The following ADGRL2 variants were observed in gnomAD, a reference collection of about 807,000 sequenced individuals.
The protein encoded by ADGRL2 is calcium-independent alpha-latrotoxin receptor 2.
A neutral mutation model predicts 157.4 loss-of-function variants in ADGRL2; 44 were observed. The ratio of observed to expected loss-of-function variants is 0.28; its 90% CI spans 0.22 to 0.36. ADGRL2 has a LOEUF of 0.36. ADGRL2 is among the 10% of genes least tolerant of loss of function. ADGRL2 has a pLI of 1.00. For synonymous variants in ADGRL2, 585 were observed against 624.7 expected (o/e 0.94, Z 0.95); for missense variants, 1,510 against 1,768.9 (o/e 0.85, Z 2.63).
At chr1:81,724,043 T>C (rs2084426951) in intron 1 of ADGRL2, among the ~76,000 whole-genome samples, 1 of 152,164 alleles carries the variant, frequency 6.6e-6, no homozygotes, top group East Asian at 1.9e-4. Context: ...TTTCTTGGGC[T>C]AAAGACAGGC....
intron 3 of ADGRL2, among the ~76,000 whole-genome samples, chr1:81,691,880 G>GTATGTGTATATA (rs2083343927): frequency 8.3e-6 from 1 of 119,880 alleles, no homozygotes; most frequent in Non-Finnish European, 1.8e-5. Flanking sequence ...GTGTGTGTGT[G>GTATGTGTATATA]TATATATATA....
At chr1:81,370,661 A>C (rs1167900276) in intron 1 of ADGRL2, among the ~76,000 whole-genome samples, 3 of 152,180 alleles carry the variant, frequency 2.0e-5, no homozygotes, top group Non-Finnish European at 4.4e-5. Context: ...GTTATAACTT[A>C]TATTGCCATC....
At chr1:81,412,580 G>T (rs191731311) in intron 1 of ADGRL2, among the ~76,000 whole-genome samples, 4 of 152,134 alleles carry the variant, frequency 2.6e-5, no homozygotes, top group African/African-American at 4.8e-5. Flanking sequence ...CTCTAAGCTC[G>T]CTGGGGGAAG....
At chr1:81,950,577 A>C in intron 7 of ADGRL2, 95 bp downstream of exon 7, 1 of 1,141,196 alleles carries the variant, frequency 8.8e-7, no homozygotes, top group Non-Finnish European at 1.2e-6. Context: ...AGCGATGTTT[A>C]CAGTAGCTAA....
At chr1:81,790,609 T>C (rs2087288770) in intron 2 of ADGRL2, among the ~76,000 whole-genome samples, 1 of 152,216 alleles carries the variant, frequency 6.6e-6, no homozygotes, top group Non-Finnish European at 1.5e-5. Flanking sequence ...CTGCAGAATA[T>C]GGACAATATA....
chr1:81,422,588 G>A (rs1272674416), intron 1 of ADGRL2, among the ~76,000 whole-genome samples: 1 of 152,176 alleles, frequency 6.6e-6, no homozygotes, highest in Non-Finnish European at 1.5e-5. Context: ...CCTATATACA[G>A]TATAACATTA....
At chr1:81,534,555 C>T (rs925296466) in intron 2 of ADGRL2, among the ~76,000 whole-genome samples, 2 of 152,236 alleles carry the variant, frequency 1.3e-5, no homozygotes, top group African/African-American at 4.8e-5. Flanking sequence ...ATATGAGCTA[C>T]ACAATAACTT....
intron 3 of ADGRL2, among the ~76,000 whole-genome samples, chr1:81,643,706 CTA>C (rs761840648): frequency 6.6e-6 from 1 of 152,078 alleles, no homozygotes; most frequent in African/African-American, 2.4e-5. Flanking sequence ...TGTACAAGAT[CTA>C]TATGAGGACA....
intron 1 of ADGRL2, among the ~76,000 whole-genome samples, chr1:81,412,780 A>G (rs539702340): frequency 6.6e-6 from 1 of 152,352 alleles, no homozygotes; most frequent in South Asian, 2.1e-4. Context: ...GGATGGAAAT[A>G]TAAAAGAATA....
intron 1 of ADGRL2, among the ~76,000 whole-genome samples, chr1:81,758,489 T>C (rs1487764362): frequency 6.6e-6 from 1 of 152,200 alleles, no homozygotes; most frequent in African/African-American, 2.4e-5. Context: ...TCTCATTTAG[T>C]CTGTTTCTCC....
chr1:81,520,022 G>C (rs1306426636), intron 2 of ADGRL2, among the ~76,000 whole-genome samples: 7 of 151,904 alleles, frequency 4.6e-5, no homozygotes, highest in African/African-American at 1.7e-4. Flanking sequence ...CTTTTTTCCT[G>C]CTCCCTTTTT....
chr1:81,455,444 GA>G (rs2077784247), intron 2 of ADGRL2, among the ~76,000 whole-genome samples: 1 of 152,122 alleles, frequency 6.6e-6, no homozygotes, highest in Non-Finnish European at 1.5e-5. Flanking sequence ...TGTCAACCGT[GA>G]AAATTTTCCT....
At chr1:81,491,436 C>G (rs897025487) in intron 2 of ADGRL2, among the ~76,000 whole-genome samples, 1 of 145,806 alleles carries the variant, frequency 6.9e-6, no homozygotes, top group South Asian at 2.1e-4. Context: ...TATATATACT[C>G]TGCTTCAAAA....
rs184896619 is a variant in ADGRL2, at chr1:81,319,087, A to G, written c.-302+12578A>G. Among the ~76,000 whole-genome samples the G allele has an allele frequency of 2.5e-3, 371 of 150,974 alleles. 2 individuals are homozygous for G. The highest frequency in any genetic ancestry group is 8.5e-3 in the African/African-American group (351 of 41,192). ...CTCCCGAGTAGCTGGGATTACAGGCATGCACCACCACCCCGGCTAATTTTG... is the reference window on the plus strand; with the variant it reads ...CTCCCGAGTAGCTGGGATTACAGGCGTGCACCACCACCCCGGCTAATTTTG... On this transcript the variant is annotated intron_variant, in intron 1 of 24. Coordinates refer to the ADGRL2 transcript ENST00000370721.
Position 81,756,746 on chromosome 1 carries a change from C to T in ADGRL2, c.-142-5065C>T, listed in dbSNP as rs148848652. 6.6e-4 allele frequency among the ~76,000 whole-genome samples: 100 copies of T among 152,220 alleles called. No individual in the cohort carries two copies. The Middle Eastern group carries it at 0.014, about 21-fold the overall frequency. On this transcript the variant is annotated intron_variant, in intron 1 of 20. Transcript: ENST00000359929. ...TTATAGGCCAGCAATATGTCTTTCT[C>T]CATTCATTCAACAAATAACAGAATT...
chr1:81,637,809 A>G (rs575820186), intron 3 of ADGRL2, among the ~76,000 whole-genome samples: 2 of 152,116 alleles, frequency 1.3e-5, no homozygotes, highest in East Asian at 3.9e-4. Flanking sequence ...AATCATACAC[A>G]TTTCTGAAGT....
intron 1 of ADGRL2, among the ~76,000 whole-genome samples, chr1:81,434,251 A>G (rs1241186458): frequency 1.3e-5 from 2 of 152,222 alleles, no homozygotes; most frequent in Non-Finnish European, 2.9e-5. Context: ...TGTGAGAATT[A>G]AGCAAATTAA....
chr1:81,351,790 A>C (rs1557619552), intron 1 of ADGRL2, among the ~76,000 whole-genome samples: 1 of 152,228 alleles, frequency 6.6e-6, no homozygotes, highest in Non-Finnish European at 1.5e-5. Flanking sequence ...CTTTTTAAGA[A>C]CCTGAATGAC....
At chr1:81,723,945 A>C (rs1329434184) in intron 1 of ADGRL2, among the ~76,000 whole-genome samples, 1 of 152,004 alleles carries the variant, frequency 6.6e-6, no homozygotes, top group East Asian at 1.9e-4. Context: ...TTTTCTTTTT[A>C]TATTTCTATG....
Sources: allele counts gnomAD v4.1 joint callset (sites outside exome capture counted in the v4.1 genomes callset), GRCh38; gene constraint gnomAD v4.1.1; transcripts MANE v1.5; gene names NCBI Gene and HGNC (gene_info 2026-07-23, HGNC 2026-07-21).